The following ALDH1L2 variants were observed in gnomAD, a reference collection of about 807,000 sequenced individuals.
The protein encoded by ALDH1L2 is mitochondrial 10-formyltetrahydrofolate dehydrogenase.
In ALDH1L2, 91 loss-of-function variants were observed where a neutral mutation model predicts 111.0. The ratio of observed to expected loss-of-function variants is 0.82; its 90% CI spans 0.69 to 0.98. ALDH1L2 has a LOEUF of 0.98. Among genes scored for constraint, ALDH1L2 ranks in the 50% least tolerant of loss-of-function variants. ALDH1L2 has a pLI of 0.00. For synonymous variants in ALDH1L2, 374 were observed against 392.6 expected (o/e 0.95, Z 0.56); for missense variants, 995 against 1,126.8 (o/e 0.88, Z 1.67).
At chr12:105,052,384 A>G (rs1876343901) in intron 11 of ALDH1L2, among the ~76,000 whole-genome samples, 167 bp from the exon 12 acceptor site, 1 of 152,240 alleles carries the variant, frequency 6.6e-6, no homozygotes. Flanking sequence ...CAATTTTAAT[A>G]TGAAAATTGT....
chr12:105,046,809 A>G lies in ALDH1L2; in HGVS notation c.1764T>C (p.Cys588=). ...GGTAGTTCCAGGGAATAATAATGGC[A>G]CAGACACTGCAGGGGAAGAAATTCG... ...TFTKKEPLGV[C]AIIIPWNYPL... is the part of the protein sequence containing the mutation. Residue 588 remains cysteine, a synonymous_variant, in exon 15 of 23, where the codon TGT becomes TGC. Coordinates refer to ENST00000258494, the MANE Select transcript of ALDH1L2 (RefSeq NM_001034173.4). The G allele has an allele frequency of 6.2e-7, 1 of 1,614,038 alleles. No individual in the cohort carries two copies. Among genetic ancestry groups the G allele is most frequent in the Admixed American group, 1.7e-5 (1 of 60,004 alleles).
chr12:105,037,011 T>C (rs1875192536), intron 18 of ALDH1L2, among the ~76,000 whole-genome samples: 1 of 152,148 alleles, frequency 6.6e-6, no homozygotes, highest in South Asian at 2.1e-4. Context: ...ATGATGAAGT[T>C]TGGCTGTGAG....
chr12:105,042,907 A>G (rs1037817193), intron 15 of ALDH1L2, among the ~76,000 whole-genome samples: 1 of 152,220 alleles, frequency 6.6e-6, no homozygotes, highest in East Asian at 1.9e-4. Context: ...CTTAAAAACC[A>G]ACGTCCATTC....
At chr12:105,053,023 G>A in intron 10 of ALDH1L2, 92 bp from the exon 11 acceptor site, 1 of 1,437,630 alleles carries the variant, frequency 7.0e-7, no homozygotes, top group Non-Finnish European at 9.6e-7. Flanking sequence ...CGAATGCAGA[G>A]GGAGAAGTCA....
chr12:105,079,037 G>A (rs1298170773), intron 1 of ALDH1L2, among the ~76,000 whole-genome samples: 1 of 152,182 alleles, frequency 6.6e-6, no homozygotes, highest in Non-Finnish European at 1.5e-5. Flanking sequence ...GCTTTAAGCA[G>A]GAGAGTTAAT....
At chr12:105,079,740 A>G (rs1447411774) in intron 1 of ALDH1L2, among the ~76,000 whole-genome samples, 1 of 152,162 alleles carries the variant, frequency 6.6e-6, no homozygotes, top group Non-Finnish European at 1.5e-5. Flanking sequence ...TTACGAAAAG[A>G]AAAGATCACA....
chr12:105,051,791 C>CTTTTTTTTT (rs199608356), intron 12 of ALDH1L2, among the ~76,000 whole-genome samples: 1 of 147,032 alleles, frequency 6.8e-6, no homozygotes, highest in Non-Finnish European at 1.5e-5. Flanking sequence ...CTTTTTTTTC[C>CTTTTTTTTT]TTTTTTTTTT....
intron 15 of ALDH1L2, among the ~76,000 whole-genome samples, chr12:105,041,393 G>A (rs1875524471): frequency 6.6e-6 from 1 of 152,300 alleles, no homozygotes; most frequent in Middle Eastern, 3.4e-3. Flanking sequence ...AATGCCACCG[G>A]AGCGATGCTG....
At chr12:105,057,473 A>G (rs550764869) in intron 10 of ALDH1L2, among the ~76,000 whole-genome samples, 26 of 152,330 alleles carry the variant, frequency 1.7e-4, no homozygotes, top group African/African-American at 6.0e-4. Context: ...TTTTCATAGC[A>G]TTATTCATAA....
rs1006976761 is a variant in ALDH1L2 at position 105,040,142 on chromosome 12, A to C, written c.1952-336T>G. On this transcript the variant is annotated intron_variant, in intron 16 of 22. Transcript: ENST00000258494. ...CTCCGTCTCAAAAAAAAAAAAAAAA[A>C]AAAAAAAAAACCTTACTCAAATTCT... Among the ~76,000 whole-genome samples the C allele has an allele frequency of 1.2e-3, 177 of 151,466 alleles. 5 individuals carry two copies. Among genetic ancestry groups the C allele is most frequent in the Non-Finnish European group, 5.3e-4 (36 of 67,824 alleles).
In ALDH1L2 at chr12:105,057,817, A is replaced by G. The variant is rs574597744; in HGVS notation, c.1287+256T>C. Among the ~76,000 whole-genome samples, 3 of 152,336 alleles carry G rather than the reference A, an allele frequency of 2.0e-5. No homozygotes were observed. The South Asian group carries it at 6.2e-4, about 32-fold the overall frequency. ...GAGTAAAGAATGACTGCCAATGGGT[A>G]CAGGGCTTCTTTTTGGGATGATGAA... On this transcript the variant is annotated intron_variant, in intron 10 of 22. Transcript: ENST00000258494.
rs181050976 is a variant in ALDH1L2 at position 105,082,170 on chromosome 12, A to G, written c.48+2219T>C. On this transcript the variant is annotated intron_variant, in intron 1 of 22. Coordinates refer to ENST00000258494, the MANE Select transcript of ALDH1L2 (RefSeq NM_001034173.4). ...GATTGTGCCACTGCGTTCCAGCCTG[A>G]GTGACAAAGTGAGACTCTGTCTCAA... Among the ~76,000 whole-genome samples, 616 of 152,330 alleles carry G rather than the reference A, an allele frequency of 4.0e-3. 8 individuals are homozygous for G. Among genetic ancestry groups the G allele is most frequent in the African/African-American group, 0.014 (576 of 41,566 alleles).
At chr12:105,033,917 A>G (rs765940932) in intron 19 of ALDH1L2, among the ~76,000 whole-genome samples, 4 of 152,164 alleles carry the variant, frequency 2.6e-5, no homozygotes, top group South Asian at 2.1e-4. Flanking sequence ...TAGCTCTTCA[A>G]TATACTTTAT....
At position 105,034,283 on chromosome 12, in the gene ALDH1L2, A is replaced by G. The variant is rs757348515; in HGVS notation, c.2244+17T>C. Reference sequence around the variant, plus strand: ...AAAATCTCTAAACAACTCAGAGTAAATGTGAAGGTGCCTCACCACTCTTGT... The same window carrying G: ...AAAATCTCTAAACAACTCAGAGTAAGTGTGAAGGTGCCTCACCACTCTTGT... On this transcript the variant is annotated intron_variant, in intron 19 of 22. Transcript: ENST00000258494. 6.2e-7 allele frequency: 1 copy of G among 1,612,074 alleles called. No homozygotes were observed. The highest frequency in any genetic ancestry group is 1.3e-5 in the African/African-American group (1 of 74,854).
intron 15 of ALDH1L2, among the ~76,000 whole-genome samples, chr12:105,044,296 T>C (rs1286655718): frequency 2.6e-5 from 4 of 152,106 alleles, no homozygotes; most frequent in East Asian, 1.9e-4. Flanking sequence ...TTAGCACTCA[T>C]TGGATTTCAT....
chr12:105,062,224 C>T (rs1317424993), intron 7 of ALDH1L2, among the ~76,000 whole-genome samples: 1 of 152,170 alleles, frequency 6.6e-6, no homozygotes, highest in Non-Finnish European at 1.5e-5. Flanking sequence ...AGGCGGATGC[C>T]ATTATTATTC....
intron 9 of ALDH1L2, among the ~76,000 whole-genome samples, chr12:105,058,996 C>T (rs552578636): frequency 1.3e-4 from 20 of 151,802 alleles, no homozygotes; most frequent in South Asian, 1.3e-3. Context: ...TGGCCGGGTG[C>T]GGTGGCTCAC....
intron 22 of ALDH1L2, 75 bp downstream of exon 22, chr12:105,026,470 A>G: frequency 6.5e-7 from 1 of 1,549,248 alleles, no homozygotes; most frequent in Non-Finnish European, 8.8e-7. Flanking sequence ...GTCACACACA[A>G]GTCATGAAAC....
chr12:105,076,955 A>T (rs1376426531), intron 1 of ALDH1L2, among the ~76,000 whole-genome samples: 2 of 152,260 alleles, frequency 1.3e-5, no homozygotes, highest in African/African-American at 4.8e-5. Flanking sequence ...GGGCAGAGCT[A>T]ATAAGGGTCC....
Sources: allele counts gnomAD v4.1 joint callset (sites outside exome capture counted in the v4.1 genomes callset), GRCh38; gene constraint gnomAD v4.1.1; transcripts MANE v1.5; gene names NCBI Gene and HGNC (gene_info 2026-07-23, HGNC 2026-07-21).